Variants in MTRR observed in about 807,000 individuals in gnomAD.
The protein encoded by MTRR is methionine synthase reductase.
Under a neutral mutation model 79.2 loss-of-function variants are expected in MTRR, and 63 were observed. The observed-to-expected ratio is 0.80, with a 90% CI of 0.65 to 0.98. MTRR has a LOEUF of 0.98. Among genes scored for constraint, MTRR ranks in the 50% least tolerant of loss-of-function variants. The pLI, the probability that MTRR is intolerant of heterozygous loss-of-function variation, is 0.00. For synonymous variants in MTRR, 355 were observed against 313.3 expected (o/e 1.13, Z -1.41); for missense variants, 895 against 839.6 (o/e 1.07, Z -0.82).
upstream of MTRR, chr5:7,866,623 G>C: frequency 6.6e-7 from 1 of 1,526,332 alleles, no homozygotes; most frequent in Non-Finnish European, 8.8e-7. Context: ...TTTTCCAACT[G>C]TCAGAATTTA....
chr5:7,858,225 G>T (rs1746310483), intron 1 of MTRR, among the ~76,000 whole-genome samples: 1 of 152,180 alleles, frequency 6.6e-6, no homozygotes, highest in Non-Finnish European at 1.5e-5. Context: ...GCAAGGAGGT[G>T]TGAAAGGGGT....
At chr5:7,872,198 G>T in intron 2 of MTRR, 1 of 447,688 alleles carries the variant, frequency 2.2e-6, no homozygotes. Context: ...AAATACTTCG[G>T]TAAAAAGTTA....
At chr5:7,887,776 TTGTGTG>T (rs138411575) in intron 8 of MTRR, among the ~76,000 whole-genome samples, 1 of 112,354 alleles carries the variant, frequency 8.9e-6, no homozygotes, top group South Asian at 3.0e-4. Context: ...ATGTATATAT[TTGTGTG>T]TGTGTGTGTG....
In MTRR at chr5:7,877,987, G is replaced by C. The variant is rs1320312931; in HGVS notation, c.445G>C (p.Ala149Pro). The stretch of plus-strand genomic sequence containing the variant: ...GCCGTGGATTGCTGGACTCTGGCCA[G>C]CCCTCAGAAAGCATTTTAGGTCAAG... Reference protein sequence around the residue: ...VEPWIAGLWPALRKHFRSSRG... With the variant: ...VEPWIAGLWPPLRKHFRSSRG... Residue 149 changes from alanine (A) to proline (P), a missense_variant, in exon 5 of 15, where the codon GCC becomes CCC. By Grantham distance (27) the Ala-to-Pro change is conservative. Coordinates refer to ENST00000440940, the MANE Select transcript of MTRR (RefSeq NM_002454.3). 5.0e-6 allele frequency: 8 copies of C among 1,613,456 alleles called. No homozygotes were observed. The highest frequency in any genetic ancestry group is 6.8e-6 in the Non-Finnish European group (8 of 1,179,988).
chr5:7,867,911 T>A, upstream of MTRR: 1 of 1,614,146 alleles, frequency 6.2e-7, no homozygotes. Flanking sequence ...ATGGGCATGA[T>A]GGAATTTGAC....
intron 1 of MTRR, chr5:7,859,410 A>T: frequency 1.4e-6 from 2 of 1,431,916 alleles, no homozygotes; most frequent in Non-Finnish European, 1.9e-6. Context: ...AAGTTCTTCC[A>T]TTGTTTGAGT....
In MTRR at chr5:7,878,099, A is replaced by G. The variant is rs1448318571; in HGVS notation, c.557A>G (p.His186Arg). The change falls in exon 5 of 15, where the codon CAC becomes CGC. Residue 186 changes from histidine to arginine, a missense_variant. Physicochemically the swap from His to Arg is conservative, Grantham distance 29 (BLOSUM62 0). Coordinates refer to ENST00000440940, the MANE Select transcript of MTRR (RefSeq NM_002454.3). ...GACCTTGTGAAGTCAGAGCTGCTAC[A>G]CATTGAATCTCAAGTCGAGCTTCTG... ...RTDLVKSELL[H>R]IESQVELLRF... 2 of 1,614,024 alleles carry G rather than the reference A, an allele frequency of 1.2e-6. No individual in the cohort carries two copies. The highest frequency in any genetic ancestry group is 3.3e-5 in the Admixed American group (2 of 60,010).
At chr5:7,893,053 G>T in intron 11 of MTRR, 140 bp downstream of exon 11, 1 of 1,003,732 alleles carries the variant, frequency 1.0e-6, no homozygotes, top group South Asian at 1.5e-5. Flanking sequence ...AATCTCTATT[G>T]CAAGAGCAGA....
At chr5:7,899,411 T>A (rs930485806) in intron 14 of MTRR, among the ~76,000 whole-genome samples, 1 of 152,256 alleles carries the variant, frequency 6.6e-6, no homozygotes, top group African/African-American at 2.4e-5. Flanking sequence ...TTCTTGTAAA[T>A]TGAAGAGTTA....
At chr5:7,890,473 T>C in intron 9 of MTRR, 2 of 933,422 alleles carry the variant, frequency 2.1e-6, no homozygotes, top group Non-Finnish European at 2.6e-6. Flanking sequence ...ATTTCAATTC[T>C]TTTCGTAGAT....
intron 4 of MTRR, among the ~76,000 whole-genome samples, chr5:7,875,769 A>T (rs947125884): frequency 6.6e-6 from 1 of 152,234 alleles, no homozygotes; most frequent in Non-Finnish European, 1.5e-5. Context: ...GGTGAGCCAC[A>T]CTTCGCTGTT....
chr5:7,861,159 T>C (rs755858269), intron 1 of MTRR: 11 of 1,601,944 alleles, frequency 6.9e-6, no homozygotes. Context: ...CTGAACAACT[T>C]GATAACCGAG....
At chr5:7,851,206 G>C in exon 1 of MTRR, 1 of 599,610 alleles carries the variant, frequency 1.7e-6, no homozygotes, top group Non-Finnish European at 2.4e-6. Context: ...CTCCAGGGTG[G>C]AGCGACCCTC....
At chr5:7,861,689 A>G (rs1245763780) in intron 1 of MTRR, 3 of 1,589,698 alleles carry the variant, frequency 1.9e-6, no homozygotes, top group Non-Finnish European at 2.6e-6. Context: ...CTCGTGTGAT[A>G]CCCTCACAAA....
At chr5:7,889,365 TG>T (rs1737170259) in intron 9 of MTRR, 90 bp downstream of exon 9, 1 of 1,396,106 alleles carries the variant, frequency 7.2e-7, no homozygotes, top group Non-Finnish European at 1.0e-6. Flanking sequence ...TTGCTGCTCT[TG>T]TCTTACCCTT....
At chr5:7,872,139 T>G (rs1748094143) in intron 2 of MTRR, 1 of 368,858 alleles carries the variant, frequency 2.7e-6, no homozygotes, top group Non-Finnish European at 5.3e-6. Flanking sequence ...TTATACAAAC[T>G]CTGTATGTAG....
At chr5:7,874,012 C>A (rs937874436) in intron 3 of MTRR, among the ~76,000 whole-genome samples, 1 of 152,194 alleles carries the variant, frequency 6.6e-6, no homozygotes, top group Non-Finnish European at 1.5e-5. Flanking sequence ...ATGACTTAGG[C>A]CCACCTCCAG....
intron 1 of MTRR, among the ~76,000 whole-genome samples, chr5:7,851,840 T>C (rs920035670): frequency 3.3e-5 from 5 of 152,104 alleles, no homozygotes; most frequent in African/African-American, 1.2e-4. Context: ...AGCTGTATAC[T>C]CGTGATTGGT....
intron 10 of MTRR, among the ~76,000 whole-genome samples, chr5:7,891,713 G>T (rs1277846069): frequency 6.6e-6 from 1 of 152,110 alleles, no homozygotes; most frequent in Non-Finnish European, 1.5e-5. Context: ...CTGAGTGGCA[G>T]CCGGAGGCAG....
Sources: allele counts gnomAD v4.1 joint callset (sites outside exome capture counted in the v4.1 genomes callset), GRCh38; gene constraint gnomAD v4.1.1; transcripts MANE v1.5; gene names NCBI Gene and HGNC (gene_info 2026-07-23, HGNC 2026-07-21).